The following COBLL1 variants were observed in gnomAD, a reference collection of about 807,000 sequenced individuals.
The protein encoded by COBLL1 is cordon-bleu WH2 repeat protein like 1, also known as cordon-bleu protein-like 1.
In COBLL1, 50 loss-of-function variants were observed where a neutral mutation model predicts 94.8. The ratio of observed to expected loss-of-function variants is 0.53; its 90% confidence interval spans 0.42 to 0.67. The LOEUF (loss-of-function observed/expected upper bound fraction) is 0.67. Among genes scored for constraint, COBLL1 ranks in the 30% least tolerant of loss-of-function variants. The pLI is 0.00. For missense variants in COBLL1, 1,362 were observed against 1,348.7 expected (o/e 1.01, Z -0.15); for synonymous variants, 448 against 473.8 (o/e 0.95, Z 0.71).
At chr2:164,717,534 C>A (rs1175314895) in intron 7 of COBLL1, among the ~76,000 whole-genome samples, 1 of 152,164 alleles carries the variant, frequency 6.6e-6, no homozygotes, top group East Asian at 1.9e-4. Flanking sequence ...CTATATAAAC[C>A]ACATTTTTAC....
At chr2:164,699,891 C>T (rs1481265270) in intron 10 of COBLL1, among the ~76,000 whole-genome samples, 1 of 152,066 alleles carries the variant, frequency 6.6e-6, no homozygotes, top group Admixed American at 6.6e-5. Context: ...ATTGACCTCA[C>T]TGATCTTTTT....
Position 164,692,585 on chromosome 2 carries a change from A to G in COBLL1, c.3124-188T>C. 3 of 531,758 alleles carry G rather than the reference A, an allele frequency of 5.6e-6. No individual in the cohort carries two copies. In the South Asian group the frequency reaches 7.5e-5, roughly 13 times the overall value. 32.9% of individuals were successfully genotyped at this position (531,758 alleles called of 1,614,324 possible). A position where few individuals can be genotyped will look rare whatever the true frequency, so the allele number is the denominator to read the frequency against. On this transcript the variant is annotated intron_variant, in intron 12 of 13. Transcript: ENST00000652658. ...CAGAGCTAAGCTGGAAGATGAGGGCATTATTCTCTCTTGAACTCAGGAAGC... is the reference window on the plus strand; with the variant it reads ...CAGAGCTAAGCTGGAAGATGAGGGCGTTATTCTCTCTTGAACTCAGGAAGC...
Position 164,681,845 on chromosome 2 carries a change from C to T in COBLL1, c.*4101G>A, listed in dbSNP as rs1209519789. On this transcript the variant is annotated 3_prime_UTR_variant, in exon 14 of 14. Transcript: ENST00000652658. ...TACAAATTACCAGAATGTTCCACAACTCTTCTCAAAATACCTGTCAAAAAA... is the reference window on the plus strand; with the variant it reads ...TACAAATTACCAGAATGTTCCACAATTCTTCTCAAAATACCTGTCAAAAAA... 2.0e-5 allele frequency: 3 copies of T among 152,184 alleles called. No homozygotes were observed. The highest frequency in any genetic ancestry group is 2.0e-4 in the Admixed American group (3 of 15,272). The allele number at this position is 152,184 out of a possible 1,614,324, so 9.4% of individuals were successfully genotyped here.
downstream of COBLL1, among the ~76,000 whole-genome samples, chr2:164,677,364 A>C (rs1233024199): frequency 3.3e-5 from 5 of 152,194 alleles, no homozygotes; most frequent in Admixed American, 6.5e-5. Context: ...CCTAAGAGTG[A>C]AACTGTTGAG....
At chr2:164,715,565 T>G (rs935402293) in intron 7 of COBLL1, among the ~76,000 whole-genome samples, 15 of 152,126 alleles carry the variant, frequency 9.9e-5, no homozygotes, top group African/African-American at 2.7e-4. Flanking sequence ...AATATGTACC[T>G]GTACATTTCA....
intron 7 of COBLL1, among the ~76,000 whole-genome samples, chr2:164,711,177 G>A (rs1276292196): frequency 1.3e-5 from 2 of 152,142 alleles, no homozygotes; most frequent in African/African-American, 4.8e-5. Context: ...GTCAAAAGGG[G>A]CTGGGATACT....
chr2:164,841,773 C>G lies in COBLL1; in HGVS notation c.-114G>C, dbSNP rs899138220. On this transcript the variant is annotated 5_prime_UTR_variant, in exon 1 of 14. Coordinates refer to ENST00000652658, the MANE Select transcript of COBLL1 (RefSeq NM_001365672.2). The surrounding 1 kb of genome is among the most constrained non-coding windows in gnomAD (Gnocchi z 5.5). ...CTCGCGGCTTCCTCTCCTACTCTTC[C>G]CTTCCCCGGCCCGCGCTCTTGCCGC... is the stretch of plus-strand genomic sequence containing the variant. The G allele has an allele frequency of 1.8e-6, 1 of 559,856 alleles. No homozygotes were observed. The allele number at this position is 559,856 out of a possible 1,614,324, so 34.7% of individuals were successfully genotyped here. A position where few individuals can be genotyped will look rare whatever the true frequency, so the allele number is the denominator to read the frequency against.
chr2:164,824,417 A>G (rs1685333776), intron 2 of COBLL1, among the ~76,000 whole-genome samples: 1 of 152,052 alleles, frequency 6.6e-6, no homozygotes, highest in South Asian at 2.1e-4. Flanking sequence ...GAAGGATGCA[A>G]TCTATCCATA....
intron 2 of COBLL1, among the ~76,000 whole-genome samples, chr2:164,660,243 G>A (rs1574382035): frequency 6.6e-6 from 1 of 152,114 alleles, no homozygotes; most frequent in South Asian, 2.1e-4. Flanking sequence ...CAGTAATATT[G>A]CATTGATTTG....
At chr2:164,744,963 T>C (rs1686791857) in intron 2 of COBLL1, among the ~76,000 whole-genome samples, 1 of 152,212 alleles carries the variant, frequency 6.6e-6, no homozygotes, top group Non-Finnish European at 1.5e-5. Flanking sequence ...TATGGTTTTA[T>C]TTAAAACACT....
intron 2 of COBLL1, among the ~76,000 whole-genome samples, chr2:164,825,070 A>G (rs554819958): frequency 2.0e-5 from 3 of 152,324 alleles, no homozygotes; most frequent in South Asian, 2.1e-4. Flanking sequence ...GATAACATCT[A>G]CATCTACTGG....
At chr2:164,776,042 A>G (rs906708137) in intron 2 of COBLL1, among the ~76,000 whole-genome samples, 18 of 151,910 alleles carry the variant, frequency 1.2e-4, no homozygotes, top group African/African-American at 4.3e-4. Flanking sequence ...TTTCAATCCA[A>G]AAAAGATGCT....
chr2:164,707,672 G>A (rs933910744), intron 7 of COBLL1, among the ~76,000 whole-genome samples: 2 of 152,018 alleles, frequency 1.3e-5, no homozygotes, highest in African/African-American at 4.8e-5. Context: ...CTCACAGAGG[G>A]TTCTAAGTAA....
At chr2:164,730,219 C>A in intron 3 of COBLL1, 104 bp from the exon 4 acceptor site, 2 of 1,034,604 alleles carry the variant, frequency 1.9e-6, no homozygotes, top group Non-Finnish European at 1.4e-6. Flanking sequence ...TTTGGAAAAG[C>A]AGCTTAAATA....
intron 5 of COBLL1, 122 bp from the exon 6 acceptor site, chr2:164,722,644 A>G: frequency 1.9e-6 from 1 of 518,266 alleles, no homozygotes; most frequent in East Asian, 3.2e-5. Context: ...ATTATAGTCT[A>G]CAAAGAAGCA....
chr2:164,694,508 G>A lies in COBLL1; in HGVS notation c.2884C>T (p.Gln962Ter), dbSNP rs765826639. The A allele has an allele frequency of 6.2e-7, 1 of 1,614,008 alleles. No homozygotes were observed. Among genetic ancestry groups the A allele is most frequent in the Non-Finnish European group, 8.5e-7 (1 of 1,179,934 alleles). ...APKPVTIPAS[Q>*]VSTQNLKTLK... ...GTCTTCAGATTTTGTGTGGATACCT[G>A]ACTAGCAGGAATTGTCACAGGTTTT... Residue 962 changes from glutamine to a stop codon, truncating the protein, a stop_gained, in exon 12 of 14, where the codon CAG becomes TAG. Transcript: ENST00000652658. LOFTEE classifies it high-confidence loss of function.
rs532685836 is a variant in COBLL1 at position 164,744,586 on chromosome 2, C to G, written c.42-711G>C. ...GCAGAGATTCCAGTTACTCGGCAGA[C>G]AGGTGGGGGGATCCATTGAGTCCAG... On this transcript the variant is annotated intron_variant, in intron 2 of 13. Transcript: ENST00000652658. 2.0e-5 allele frequency among the ~76,000 whole-genome samples: 3 copies of G among 152,236 alleles called. No individual in the cohort carries two copies. The South Asian group carries it at 6.2e-4, about 32-fold the overall frequency.
intron 2 of COBLL1, among the ~76,000 whole-genome samples, chr2:164,767,183 G>A (rs1687974133): frequency 6.6e-6 from 1 of 152,126 alleles, no homozygotes; most frequent in African/African-American, 2.4e-5. Context: ...CAGTTCAAAC[G>A]TGTACTTTTA....
Position 164,671,607 on chromosome 2 carries a change from G to A in COBLL1, n.127-5706C>T, listed in dbSNP as rs145756476. ...ACATTTCTGTCAATTTATTATTTTC[G>A]ATATCTGTCAACATAGAGATTAAAC... On this transcript the variant is annotated intron_variant and non_coding_transcript_variant, in intron 1 of 2. Transcript: ENST00000495084. Among the ~76,000 whole-genome samples the A allele has an allele frequency of 4.6e-5, 7 of 152,140 alleles. No individual in the cohort carries two copies. In the East Asian group the frequency reaches 1.4e-3, roughly 29 times the overall value.
Sources: allele counts gnomAD v4.1 joint callset (sites outside exome capture counted in the v4.1 genomes callset), GRCh38; gene constraint gnomAD v4.1.1; non-coding constraint Gnocchi (gnomAD v3.1); transcripts MANE v1.5; gene names NCBI Gene and HGNC (gene_info 2026-07-23, HGNC 2026-07-21).